ZMYM2: variants seen among roughly 807,000 people sequenced by gnomAD.
ZMYM2 encodes the protein zinc finger MYM-type containing 2, also known as zinc finger MYM-type protein 2.
In ZMYM2, 56 loss-of-function variants were observed where a neutral mutation model predicts 162.8. The observed-to-expected ratio is 0.34, with a 90% CI of 0.28 to 0.43. The LOEUF (loss-of-function observed/expected upper bound fraction) is 0.43. Ranked by LOEUF, ZMYM2 falls within the 20% of genes least tolerant of loss-of-function variation. The pLI, the probability that ZMYM2 is intolerant of heterozygous loss-of-function variation, is 1.00. For missense variants in ZMYM2, 1,275 were observed against 1,621.8 expected (o/e 0.79, Z 3.67); for synonymous variants, 510 against 541.6 (o/e 0.94, Z 0.81).
intron 2 of ZMYM2, among the ~76,000 whole-genome samples, chr13:19,967,277 A>C (rs1033226742): frequency 8.5e-5 from 13 of 152,128 alleles, no homozygotes; most frequent in Admixed American, 2.0e-4. Context: ...GAATTTGGTG[A>C]GATCATGATA....
chr13:19,986,841 A>G (rs184602983), intron 2 of ZMYM2, among the ~76,000 whole-genome samples: 368 of 152,066 alleles, frequency 2.4e-3, no homozygotes, highest in African/African-American at 8.6e-3. Flanking sequence ...GGTGGCTCAC[A>G]CCTGTAATCA....
chr13:19,903,997 G>T, the ZMYM2 span, among the ~76,000 whole-genome samples: 1 of 152,020 alleles, frequency 6.6e-6, no homozygotes, highest in South Asian at 2.1e-4. Flanking sequence ...TCATTCCTTA[G>T]GTTCTGGAAG....
At position 20,067,306 on chromosome 13, in the gene ZMYM2, T is replaced by G. The variant is rs1956754140; in HGVS notation, c.3369T>G (p.Ala1123=). Reference sequence around the variant, plus strand: ...CAGCTGAGCTTAACTATGGGTTAGCTCATTTTGTCAATGAGATCCGACGGC... The same window carrying G: ...CAGCTGAGCTTAACTATGGGTTAGCGCATTTTGTCAATGAGATCCGACGGC... ...HTTAELNYGL[A]HFVNEIRRPN... is the part of the protein sequence containing the mutation. Residue 1123 remains alanine (A), a synonymous_variant, in exon 21 of 25, where the codon GCT becomes GCG. Coordinates refer to ENST00000610343, the MANE Select transcript of ZMYM2 (RefSeq NM_197968.4). The G allele has an allele frequency of 2.5e-6, 4 of 1,604,388 alleles. No homozygotes were observed. Among genetic ancestry groups the G allele is most frequent in the Non-Finnish European group, 3.4e-6 (4 of 1,175,288 alleles).
rs545657177 is a variant in ZMYM2 at position 19,973,890 on chromosome 13, G to C, written c.-11+13864G>C. ...GTTGTTAGCTCATCAGTTATCATTAGTGTTAGTGTATTTTATGTGTGGCCC... is the reference window on the plus strand; with the variant it reads ...GTTGTTAGCTCATCAGTTATCATTACTGTTAGTGTATTTTATGTGTGGCCC... On this transcript the variant is annotated intron_variant, in intron 2 of 24. Transcript: ENST00000610343. Among the ~76,000 whole-genome samples the C allele has an allele frequency of 6.6e-5, 10 of 152,060 alleles. No homozygotes were observed. The East Asian group carries it at 1.7e-3, about 26-fold the overall frequency.
At chr13:20,070,279 G>A (rs531508903) in intron 21 of ZMYM2, 23 of 201,010 alleles carry the variant, frequency 1.1e-4, no homozygotes, top group Non-Finnish European at 2.4e-4. Context: ...TAGCCAGTTC[G>A]TTATCAATCT....
intron 2 of ZMYM2, among the ~76,000 whole-genome samples, chr13:19,983,466 A>C (rs1957536541): frequency 6.6e-6 from 1 of 151,206 alleles, no homozygotes; most frequent in South Asian, 2.1e-4. Context: ...ATATTTCTTC[A>C]TTTCTTTTTT....
the ZMYM2 span, among the ~76,000 whole-genome samples, chr13:19,920,707 C>A: frequency 6.6e-6 from 1 of 151,554 alleles, no homozygotes. Context: ...CATTAAAAAA[C>A]TAGTGTATAC....
At chr13:20,084,959 G>C (rs1205792555) in intron 24 of ZMYM2, among the ~76,000 whole-genome samples, 1 of 152,154 alleles carries the variant, frequency 6.6e-6, no homozygotes, top group Non-Finnish European at 1.5e-5. Flanking sequence ...TTAGATTTCA[G>C]ATTTTTTCGG....
At chr13:20,018,746 G>A (rs1044652854) in intron 6 of ZMYM2, among the ~76,000 whole-genome samples, 22 of 152,078 alleles carry the variant, frequency 1.4e-4, no homozygotes, top group Admixed American at 1.3e-3. Context: ...ATATGTATTC[G>A]TATTATATGC....
At chr13:19,889,093 C>T in the ZMYM2 span, among the ~76,000 whole-genome samples, 1 of 151,882 alleles carries the variant, frequency 6.6e-6, no homozygotes, top group Non-Finnish European at 1.5e-5. Context: ...GAACCCTTAT[C>T]TTTCCTTTGT....
intron 12 of ZMYM2, among the ~76,000 whole-genome samples, chr13:20,042,724 A>AT (rs563153133): frequency 0.016 from 2,367 of 150,074 alleles, 53 homozygotes; most frequent in African/African-American, 0.05. Flanking sequence ...TATTATTATT[A>AT]TTTTTTTTTA....
At chr13:19,916,593 T>C in the ZMYM2 span, among the ~76,000 whole-genome samples, 1 of 151,702 alleles carries the variant, frequency 6.6e-6, no homozygotes, top group Non-Finnish European at 1.5e-5. Flanking sequence ...ACCATCATTC[T>C]CAGCAAACTA....
the ZMYM2 span, among the ~76,000 whole-genome samples, chr13:19,917,960 G>A: frequency 6.6e-6 from 1 of 152,106 alleles, no homozygotes; most frequent in African/African-American, 2.4e-5. Context: ...AGGAGGCTGA[G>A]GTGGGAGGAT....
the ZMYM2 span, among the ~76,000 whole-genome samples, chr13:19,935,135 A>T: frequency 6.6e-6 from 1 of 151,560 alleles, no homozygotes; most frequent in African/African-American, 2.4e-5. Flanking sequence ...ATATTATTTT[A>T]TTTATTTATT....
the ZMYM2 span, among the ~76,000 whole-genome samples, chr13:19,936,152 C>A: frequency 2.6e-5 from 4 of 152,080 alleles, no homozygotes; most frequent in Non-Finnish European, 4.4e-5. Context: ...AATATGTGAA[C>A]CTTTTCTATA....
the ZMYM2 span, among the ~76,000 whole-genome samples, chr13:19,868,678 C>T: frequency 1.3e-5 from 2 of 152,132 alleles, no homozygotes; most frequent in Non-Finnish European, 2.9e-5. Flanking sequence ...TTCTGAAACT[C>T]ACTGATCTTA....
the ZMYM2 span, among the ~76,000 whole-genome samples, chr13:19,943,717 A>C: frequency 6.6e-6 from 1 of 152,180 alleles, no homozygotes; most frequent in Non-Finnish European, 1.5e-5. Flanking sequence ...AGGTACGTGT[A>C]CAACTGAATT....
In ZMYM2 at chr13:19,970,732, G is replaced by T. The variant is rs180975176; in HGVS notation, c.-11+10706G>T. On this transcript the variant is annotated intron_variant, in intron 2 of 24. Coordinates refer to ENST00000610343, the MANE Select transcript of ZMYM2 (RefSeq NM_197968.4). ...GTTATAGTAAGGCAATAAGAGCATAGGTCTTTTCCCTCATGGACCTTGCAG... is the reference window on the plus strand; with the variant it reads ...GTTATAGTAAGGCAATAAGAGCATATGTCTTTTCCCTCATGGACCTTGCAG... Among the ~76,000 whole-genome samples, 62 of 152,184 alleles carry T rather than the reference G, an allele frequency of 4.1e-4. 1 individual carries two copies. The highest frequency in any genetic ancestry group is 7.6e-4 in the Non-Finnish European group (52 of 68,014).
chr13:19,878,712 G>T, the ZMYM2 span, among the ~76,000 whole-genome samples: 1 of 151,966 alleles, frequency 6.6e-6, no homozygotes, highest in Non-Finnish European at 1.5e-5. Flanking sequence ...AGTAGAGACG[G>T]GGTTTCACCA....
Sources: gnomAD v4.1 joint callset for allele counts (sites outside exome capture counted in the v4.1 genomes callset) on GRCh38, gnomAD v4.1.1 for gene constraint, MANE v1.5 for transcripts, NCBI Gene and HGNC (gene_info 2026-07-23, HGNC 2026-07-21) for gene names.